Variants in RBFOX1 observed in about 807,000 individuals in gnomAD.
RBFOX1 encodes RNA binding protein fox-1 homolog 1.
RBFOX1 carries 8 observed loss-of-function variants against 57.7 expected under a neutral mutation model. The ratio of observed to expected loss-of-function variants is 0.14; its 90% confidence interval spans 0.08 to 0.25. The LOEUF (loss-of-function observed/expected upper bound fraction) is 0.25, where lower values mean the gene tolerates loss of function less well. RBFOX1 is among the 10% of genes least tolerant of loss of function. The pLI is 1.00. For missense variants in RBFOX1, 611 were observed against 548.5 expected (o/e 1.11, Z -1.14); for synonymous variants, 326 against 222.4 (o/e 1.47, Z -4.15).
In RBFOX1 at chr16:6,991,167, C is replaced by G. The variant is rs892958023; in HGVS notation, c.-15-60890C>G. 2.6e-4 allele frequency among the ~76,000 whole-genome samples: 34 copies of G among 131,024 alleles called. 2 individuals are homozygous for G. Among genetic ancestry groups the G allele is most frequent in the Non-Finnish European group, 3.5e-4 (22 of 62,614 alleles). The allele number at this position is 131,024 out of a possible 152,430, so 86.0% of individuals were successfully genotyped here. A position where few individuals can be genotyped will look rare whatever the true frequency, so the allele number is the denominator to read the frequency against. On this transcript the variant is annotated intron_variant, in intron 3 of 15. Coordinates refer to ENST00000550418, the MANE Select transcript of RBFOX1 (RefSeq NM_018723.4). ...AAAAAAAAAAAAAAAAAAAAAGACACGGTGGCGTGTACCTTTAGTTCCAGT... is the reference window on the plus strand; with the variant it reads ...AAAAAAAAAAAAAAAAAAAAAGACAGGGTGGCGTGTACCTTTAGTTCCAGT...
At chr16:6,275,324 AAAAG>A (rs1165041825) in intron 1 of RBFOX1, among the ~76,000 whole-genome samples, 17 of 152,134 alleles carry the variant, frequency 1.1e-4, no homozygotes, top group Non-Finnish European at 1.6e-4. Flanking sequence ...AAAAAAAAGA[AAAAG>A]AAAGAAAAGA....
At chr16:6,557,996 C>A (rs995811919) in intron 2 of RBFOX1, among the ~76,000 whole-genome samples, 4 of 152,152 alleles carry the variant, frequency 2.6e-5, no homozygotes, top group Non-Finnish European at 5.9e-5. Flanking sequence ...GGATACATTG[C>A]TGTCACTGTG....
intron 1 of RBFOX1, among the ~76,000 whole-genome samples, chr16:6,035,934 A>G (rs529502666): frequency 1.1e-4 from 17 of 152,316 alleles, no homozygotes; most frequent in African/African-American, 4.1e-4. Context: ...AGCATTTGGA[A>G]TTACGATCTT....
chr16:6,030,919 C>T (rs1596514794), intron 1 of RBFOX1, among the ~76,000 whole-genome samples: 1 of 152,260 alleles, frequency 6.6e-6, no homozygotes, highest in East Asian at 1.9e-4. Flanking sequence ...ACTGGGGATA[C>T]TGTATGGGGT....
chr16:5,316,982 G>A (rs187238454), intron 1 of RBFOX1, among the ~76,000 whole-genome samples: 1 of 152,266 alleles, frequency 6.6e-6, no homozygotes, highest in Non-Finnish European at 1.5e-5. Flanking sequence ...GAGCTGGGAT[G>A]CCCATATTTT....
intron 2 of RBFOX1, among the ~76,000 whole-genome samples, chr16:6,519,109 A>G (rs1362288006): frequency 1.3e-5 from 2 of 151,864 alleles, no homozygotes; most frequent in African/African-American, 4.8e-5. Context: ...AAAGGCACAA[A>G]GTGGAAAGCT....
chr16:6,610,477 G>T (rs895001997), intron 2 of RBFOX1, among the ~76,000 whole-genome samples: 1 of 152,038 alleles, frequency 6.6e-6, no homozygotes, highest in Non-Finnish European at 1.5e-5. Flanking sequence ...ACAGGTGCAT[G>T]CCACCACACT....
chr16:7,597,815 G>A (rs1188488718), intron 9 of RBFOX1, among the ~76,000 whole-genome samples: 1 of 152,208 alleles, frequency 6.6e-6, no homozygotes, highest in Non-Finnish European at 1.5e-5. Context: ...TGGACGTGCA[G>A]TCACGTAATT....
chr16:5,766,692 C>G (rs78302237), intron 3 of RBFOX1, among the ~76,000 whole-genome samples: 1,894 of 152,312 alleles, frequency 0.012, 17 homozygotes, highest in Non-Finnish European at 0.02. Context: ...ACCCAAACAT[C>G]TACCACCTGG....
chr16:6,977,472 C>T (rs978599555), intron 3 of RBFOX1, among the ~76,000 whole-genome samples: 5 of 152,042 alleles, frequency 3.3e-5, no homozygotes, highest in African/African-American at 1.2e-4. Context: ...TGCCTGACTT[C>T]CTGAGAATGC....
chr16:6,263,444 A>G (rs898968579), intron 1 of RBFOX1, among the ~76,000 whole-genome samples: 11 of 152,138 alleles, frequency 7.2e-5, no homozygotes, highest in Admixed American at 5.2e-4. Flanking sequence ...AAGTAAACTT[A>G]TTTGGAGGTA....
intron 4 of RBFOX1, among the ~76,000 whole-genome samples, chr16:7,382,910 T>G (rs1288251698): frequency 6.6e-6 from 1 of 152,248 alleles, no homozygotes; most frequent in Non-Finnish European, 1.5e-5. Context: ...ATGTTTAGTT[T>G]AGATATTTGC....
At chr16:6,233,492 C>T (rs2097481706) in intron 1 of RBFOX1, among the ~76,000 whole-genome samples, 1 of 152,108 alleles carries the variant, frequency 6.6e-6, no homozygotes, top group Non-Finnish European at 1.5e-5. Flanking sequence ...ACAGGGAGTT[C>T]ACATTGCTCT....
rs111432252 is a variant in RBFOX1, at chr16:6,698,826, T to A, written c.-16+44176T>A. Reference sequence around the variant, plus strand: ...GAAATGTGAATCCCTTATAGTGATATGGAATTCCATGTCCCCCACCTTCTA... The same window carrying A: ...GAAATGTGAATCCCTTATAGTGATAAGGAATTCCATGTCCCCCACCTTCTA... On this transcript the variant is annotated intron_variant, in intron 3 of 15. Coordinates refer to ENST00000550418, the MANE Select transcript of RBFOX1 (RefSeq NM_018723.4). Among the ~76,000 whole-genome samples, 6 of 151,380 alleles carry A rather than the reference T, an allele frequency of 4.0e-5. No homozygotes were observed. The South Asian group carries it at 1.2e-3, about 31-fold the overall frequency.
chr16:7,427,251 A>G (rs1012602004), intron 4 of RBFOX1, among the ~76,000 whole-genome samples: 4 of 152,172 alleles, frequency 2.6e-5, no homozygotes, highest in Admixed American at 6.5e-5. Context: ...GTACCCTAGA[A>G]CTTAAAGTAT....
intron 2 of RBFOX1, among the ~76,000 whole-genome samples, chr16:6,506,467 C>G (rs1205651999): frequency 6.6e-6 from 1 of 151,768 alleles, no homozygotes; most frequent in African/African-American, 2.4e-5. Flanking sequence ...AGAAAGAAGG[C>G]TGAGGGAATG....
At chr16:7,452,934 G>C (rs995708073) in intron 4 of RBFOX1, among the ~76,000 whole-genome samples, 3 of 152,078 alleles carry the variant, frequency 2.0e-5, no homozygotes, top group Non-Finnish European at 2.9e-5. Context: ...TTAGAGAACA[G>C]CCTGGCCAAC....
intron 9 of RBFOX1, 95 bp from the exon 10 acceptor site, chr16:7,607,190 G>A: frequency 1.8e-6 from 2 of 1,126,818 alleles, no homozygotes; most frequent in South Asian, 3.1e-5. Flanking sequence ...AATACAAAAT[G>A]AGATACTTTA....
At chr16:6,954,593 C>G (rs1186167847) in intron 3 of RBFOX1, among the ~76,000 whole-genome samples, 1 of 152,126 alleles carries the variant, frequency 6.6e-6, no homozygotes, top group Non-Finnish European at 1.5e-5. Flanking sequence ...ATCCTATATC[C>G]TCCTCATTAT....
Sources: allele counts gnomAD v4.1 joint callset (sites outside exome capture counted in the v4.1 genomes callset), GRCh38; gene constraint gnomAD v4.1.1; transcripts MANE v1.5; gene names NCBI Gene and HGNC (gene_info 2026-07-23, HGNC 2026-07-21).